Variants in RAB3C observed in about 807,000 individuals in gnomAD.
RAB3C encodes the protein ras-related protein Rab-3C.
A neutral mutation model predicts 26.4 loss-of-function variants in RAB3C; 17 were observed. That is an observed-to-expected ratio of 0.64 (90% CI 0.44 to 0.97). The LOEUF (loss-of-function observed/expected upper bound fraction) is 0.97, where lower values mean the gene tolerates loss of function less well. Ranked by LOEUF, RAB3C falls within the 50% of genes least tolerant of loss-of-function variation. The probability of loss-of-function intolerance (pLI) is 0.00; values close to 1 mark genes in which losing one functional copy is unlikely to be tolerated. For missense variants in RAB3C, 242 were observed against 281.9 expected, an observed-to-expected ratio of 0.86 and a Z score of 1.01; for synonymous variants, 91 against 95.9, an observed-to-expected ratio of 0.95 and a Z score of 0.30.
At chr5:58,722,283 C>CT (rs909883306) in intron 2 of RAB3C, among the ~76,000 whole-genome samples, 3 of 151,730 alleles carry the variant, frequency 2.0e-5, no homozygotes, top group African/African-American at 7.2e-5. Context: ...TCTGGGTCAC[C>CT]TTTTAGCAGT....
intron 3 of RAB3C, among the ~76,000 whole-genome samples, chr5:58,726,664 C>A (rs1405161393): frequency 1.3e-5 from 2 of 151,842 alleles, no homozygotes; most frequent in African/African-American, 4.8e-5. Flanking sequence ...GACCCCTTAT[C>A]CAAAAGATTT....
intron 2 of RAB3C, among the ~76,000 whole-genome samples, chr5:58,691,858 G>A (rs1748576990): frequency 6.6e-6 from 1 of 152,214 alleles, no homozygotes; most frequent in African/African-American, 2.4e-5. Flanking sequence ...CGATTAGTGT[G>A]TGGAACTGGT....
intron 1 of RAB3C, among the ~76,000 whole-genome samples, chr5:58,590,205 G>C (rs554949181): frequency 4.5e-4 from 68 of 152,142 alleles, no homozygotes; most frequent in Middle Eastern, 6.8e-3. Flanking sequence ...AGTCAGTTTT[G>C]GTAAATTGTG....
chr5:58,838,371 T>C (rs1481447344), intron 4 of RAB3C, among the ~76,000 whole-genome samples: 2 of 107,068 alleles, frequency 1.9e-5, no homozygotes, highest in Non-Finnish European at 3.9e-5. Flanking sequence ...AGAGTGAGAC[T>C]CCCTCTCAAA....
At chr5:58,735,690 T>C (rs906462902) in intron 3 of RAB3C, among the ~76,000 whole-genome samples, 3 of 152,116 alleles carry the variant, frequency 2.0e-5, no homozygotes, top group Non-Finnish European at 4.4e-5. Flanking sequence ...TCTTCTTTTG[T>C]CTTTGAGGGA....
intron 2 of RAB3C, among the ~76,000 whole-genome samples, chr5:58,710,141 T>C (rs1247305786): frequency 2.0e-5 from 3 of 152,176 alleles, no homozygotes; most frequent in Admixed American, 1.3e-4. Flanking sequence ...AAAATTGCTT[T>C]TGATGTTTAG....
chr5:58,792,062 T>C (rs1303458365), intron 3 of RAB3C, among the ~76,000 whole-genome samples: 1 of 152,232 alleles, frequency 6.6e-6, no homozygotes, highest in Non-Finnish European at 1.5e-5. Flanking sequence ...AAGTGTGAGA[T>C]GGTGTCATTG....
chr5:58,692,510 A>G (rs1017436988), intron 2 of RAB3C, among the ~76,000 whole-genome samples: 1 of 152,146 alleles, frequency 6.6e-6, no homozygotes, highest in African/African-American at 2.4e-5. Context: ...TGGGAAAAAC[A>G]TTATGACAGT....
At chr5:58,771,951 G>A (rs1211498940) in intron 3 of RAB3C, among the ~76,000 whole-genome samples, 1 of 150,848 alleles carries the variant, frequency 6.6e-6, no homozygotes, top group Non-Finnish European at 1.5e-5. Flanking sequence ...CAAGAGATAA[G>A]AGAAGGCTTG....
At chr5:58,797,894 G>T (rs1036021046) in intron 3 of RAB3C, among the ~76,000 whole-genome samples, 3 of 152,062 alleles carry the variant, frequency 2.0e-5, no homozygotes, top group Non-Finnish European at 4.4e-5. Flanking sequence ...TTAACTTCTG[G>T]TGCACAGGAT....
At chr5:58,628,624 G>C (rs1747117576) in intron 2 of RAB3C, among the ~76,000 whole-genome samples, 1 of 147,330 alleles carries the variant, frequency 6.8e-6, no homozygotes, top group Non-Finnish European at 1.5e-5. Flanking sequence ...CCACCTTGAG[G>C]TTAGTGGAAC....
intron 2 of RAB3C, among the ~76,000 whole-genome samples, chr5:58,650,041 T>C (rs1413242888): frequency 6.6e-6 from 1 of 152,214 alleles, no homozygotes; most frequent in Non-Finnish European, 1.5e-5. Flanking sequence ...CTGTTTATAA[T>C]TTACAATTTA....
rs1741471302 is a variant in RAB3C, at chr5:58,749,305, T to G, written c.371+23185T>G. Among the ~76,000 whole-genome samples the G allele has an allele frequency of 2.6e-5, 4 of 152,236 alleles. 1 individual carries two copies. Among genetic ancestry groups the G allele is most frequent in the Admixed American group, 2.6e-4 (4 of 15,284 alleles). Reference sequence around the variant, plus strand: ...AGAAATTGTGATTTTTAAAAAAATTTCAATGTGGTTGGTTCTGTGTGAATT... The same window carrying G: ...AGAAATTGTGATTTTTAAAAAAATTGCAATGTGGTTGGTTCTGTGTGAATT... On this transcript the variant is annotated intron_variant, in intron 3 of 4. Coordinates refer to ENST00000282878, the MANE Select transcript of RAB3C (RefSeq NM_138453.4).
intron 4 of RAB3C, among the ~76,000 whole-genome samples, chr5:58,846,701 A>T (rs563010980): frequency 1.3e-5 from 2 of 151,966 alleles, no homozygotes; most frequent in Non-Finnish European, 2.9e-5. Flanking sequence ...GATTCTAATG[A>T]GGGTGAACCT....
chr5:58,677,976 T>TCG (rs1748261340), intron 2 of RAB3C, among the ~76,000 whole-genome samples: 1 of 147,782 alleles, frequency 6.8e-6, no homozygotes, highest in Non-Finnish European at 1.5e-5. Context: ...CTAGATTATT[T>TCG]TGTGTGTGTG....
intron 3 of RAB3C, among the ~76,000 whole-genome samples, chr5:58,740,560 G>A (rs777035125): frequency 4.6e-5 from 7 of 152,140 alleles, no homozygotes; most frequent in Admixed American, 6.5e-5. Flanking sequence ...GGTGGCTCAC[G>A]CCTGTAATCC....
intron 3 of RAB3C, among the ~76,000 whole-genome samples, chr5:58,747,250 A>C (rs1464122732): frequency 2.6e-5 from 4 of 152,206 alleles, no homozygotes; most frequent in Non-Finnish European, 4.4e-5. Context: ...ATAAAACTAT[A>C]AACTGTCCAG....
At chr5:58,711,913 A>C (rs977375040) in intron 2 of RAB3C, among the ~76,000 whole-genome samples, 1 of 152,054 alleles carries the variant, frequency 6.6e-6, no homozygotes, top group African/African-American at 2.4e-5. Context: ...TGCCTGGTGA[A>C]TTTTTCAATG....
chr5:58,704,773 T>G (rs1327010161), intron 2 of RAB3C, among the ~76,000 whole-genome samples: 1 of 152,148 alleles, frequency 6.6e-6, no homozygotes, highest in Non-Finnish European at 1.5e-5. Flanking sequence ...TTAAAAAATT[T>G]CTGTATCTTT....
Sources: allele counts gnomAD v4.1 joint callset (sites outside exome capture counted in the v4.1 genomes callset), GRCh38; gene constraint gnomAD v4.1.1; transcripts MANE v1.5; gene names NCBI Gene and HGNC (gene_info 2026-07-23, HGNC 2026-07-21).